The following PCLO variants were observed in gnomAD, a reference collection of about 807,000 sequenced individuals.
PCLO encodes the protein piccolo presynaptic cytomatrix protein, also known as protein piccolo.
PCLO carries 82 observed loss-of-function variants against 427.5 expected under a neutral mutation model. That is an observed-to-expected ratio of 0.19 (90% confidence interval 0.16 to 0.23). PCLO has a LOEUF of 0.23. Ranked by LOEUF, PCLO falls within the 10% of genes least tolerant of loss-of-function variation. The pLI is 1.00. For missense variants in PCLO, 6,239 were observed against 6,115.9 expected (o/e 1.02, Z -0.67); for synonymous variants, 2,357 against 2,155.4 (o/e 1.09, Z -2.59).
intron 9 of PCLO, among the ~76,000 whole-genome samples, chr7:82,902,018 C>T (rs1794054013): frequency 1.3e-5 from 2 of 151,468 alleles, no homozygotes; most frequent in African/African-American, 2.4e-5. Flanking sequence ...GTCAGTGTGG[C>T]GATTCCTCAG....
chr7:83,047,899 C>A (rs1248164254), intron 3 of PCLO, among the ~76,000 whole-genome samples: 3 of 152,000 alleles, frequency 2.0e-5, no homozygotes, highest in Non-Finnish European at 4.4e-5. Flanking sequence ...AACACACACA[C>A]CCCCACACCC....
intron 6 of PCLO, among the ~76,000 whole-genome samples, chr7:82,941,453 T>C (rs1348623213): frequency 6.6e-6 from 1 of 152,202 alleles, no homozygotes; most frequent in African/African-American, 2.4e-5. Flanking sequence ...GGGTCTTATT[T>C]AGTGCAAATA....
intron 20 of PCLO, among the ~76,000 whole-genome samples, chr7:82,808,958 A>T (rs1461522787): frequency 6.6e-6 from 1 of 151,926 alleles, no homozygotes; most frequent in East Asian, 1.9e-4. Context: ...AAAACAAAAA[A>T]TGGAGAGGTT....
At chr7:82,957,324 G>T (rs542431205) in intron 4 of PCLO, among the ~76,000 whole-genome samples, 3 of 151,994 alleles carry the variant, frequency 2.0e-5, no homozygotes, top group Admixed American at 6.6e-5. Flanking sequence ...TATACTTTTG[G>T]ATTATGAGGT....
chr7:83,133,632 A>G (rs1468842188), intron 3 of PCLO, among the ~76,000 whole-genome samples: 1 of 151,842 alleles, frequency 6.6e-6, no homozygotes, highest in Non-Finnish European at 1.5e-5. Context: ...GCCATATCAT[A>G]CAGATGCCCA....
intron 2 of PCLO, among the ~76,000 whole-genome samples, chr7:83,137,108 C>A (rs982256212): frequency 6.6e-6 from 1 of 151,984 alleles, no homozygotes; most frequent in Non-Finnish European, 1.5e-5. Context: ...AGGCACCAGA[C>A]AAATTTCCCA....
At chr7:82,967,932 A>C (rs576811863) in intron 3 of PCLO, among the ~76,000 whole-genome samples, 1 of 152,332 alleles carries the variant, frequency 6.6e-6, no homozygotes, top group Non-Finnish European at 1.5e-5. Flanking sequence ...TGAGAAGTTC[A>C]GTTTCAAATT....
intron 20 of PCLO, chr7:82,820,947 TGGGACTTACATG>T: frequency 1.6e-6 from 2 of 1,229,252 alleles, no homozygotes; most frequent in South Asian, 8.5e-5. Flanking sequence ...GGACTGATCT[TGGGACTTACATG>T]GTGATGATGA....
intron 4 of PCLO, among the ~76,000 whole-genome samples, chr7:82,961,807 T>C (rs925972620): frequency 3.3e-5 from 5 of 152,210 alleles, no homozygotes; most frequent in Non-Finnish European, 7.3e-5. Flanking sequence ...TTGAAGTTTA[T>C]TGTTCAGTTA....
In PCLO at chr7:82,953,521, T is replaced by C. The variant is rs1352047466; in HGVS notation, c.7432A>G (p.Ile2478Val). 1 of 1,613,308 alleles carries C rather than the reference T, an allele frequency of 6.2e-7. No individual in the cohort carries two copies. Among genetic ancestry groups the C allele is most frequent in the African/African-American group, 1.3e-5 (1 of 74,764 alleles). ...LRSNGLPVTR[I>V]CTTAPPPVPP... ...ACAGGAGGAGGTGCAGTAGTACATA[T>C]TCTTGTAACAGGTAATCCATTACTT... Residue 2478 changes from isoleucine to valine, a missense_variant, in exon 5 of 25, where the codon ATA becomes GTA. Ile to Val is a conservative substitution (Grantham distance 29). Around this residue, in one of 5 missense-constraint regions of PCLO, gnomAD observed 4,677 missense variants for 4,468.4 expected, o/e 1.05. Coordinates refer to ENST00000333891, the MANE Select transcript of PCLO (RefSeq NM_033026.6).
chr7:82,955,694 T>C lies in PCLO; in HGVS notation c.5259A>G (p.Lys1753=), dbSNP rs374278336. The change falls in exon 5 of 25, where the codon AAA becomes AAG. Residue 1753 remains lysine, a synonymous_variant. Coordinates refer to ENST00000333891, the MANE Select transcript of PCLO (RefSeq NM_033026.6). ...GTCTGTGCCGAGCTTTGCGTTGCTGTTTGCTCTCTCCTTTTTTGTGACTCG... is the reference window on the plus strand; with the variant it reads ...GTCTGTGCCGAGCTTTGCGTTGCTGCTTGCTCTCTCCTTTTTTGTGACTCG... The part of the protein sequence containing the change: ...SSPSHKKGES[K]QQRKARHRPH... 3.7e-6 allele frequency: 6 copies of C among 1,613,948 alleles called. No individual in the cohort carries two copies. The highest frequency in any genetic ancestry group is 4.2e-6 in the Non-Finnish European group (5 of 1,179,868).
At chr7:83,049,234 T>A (rs1033089382) in intron 3 of PCLO, among the ~76,000 whole-genome samples, 1 of 152,104 alleles carries the variant, frequency 6.6e-6, no homozygotes, top group East Asian at 1.9e-4. Flanking sequence ...AGAGCGGCAA[T>A]ATATGAAAAA....
intron 22 of PCLO, among the ~76,000 whole-genome samples, chr7:82,771,938 C>T (rs1178400711): frequency 6.6e-6 from 1 of 151,976 alleles, no homozygotes; most frequent in East Asian, 1.9e-4. Context: ...CTTATGAAGG[C>T]ATACTTTTTT....
At chr7:82,907,083 T>C (rs576976443) in intron 8 of PCLO, among the ~76,000 whole-genome samples, 35 of 152,092 alleles carry the variant, frequency 2.3e-4, no homozygotes, top group African/African-American at 8.2e-4. Context: ...AGAATGTCCT[T>C]AAAGATATGA....
intron 22 of PCLO, among the ~76,000 whole-genome samples, chr7:82,770,943 G>A (rs1322921552): frequency 6.6e-6 from 1 of 151,854 alleles, no homozygotes; most frequent in African/African-American, 2.4e-5. Context: ...CCAGAAATAT[G>A]TTTTCTGAAC....
intron 3 of PCLO, among the ~76,000 whole-genome samples, chr7:83,050,093 T>C (rs959602242): frequency 1.3e-5 from 2 of 150,188 alleles, no homozygotes; most frequent in African/African-American, 2.4e-5. Flanking sequence ...ATCATTAATA[T>C]TGTGTGATGG....
In PCLO at chr7:82,952,255, G is replaced by A. The variant is rs377361997; in HGVS notation, c.8698C>T (p.Leu2900Phe). The change falls in exon 5 of 25, where the codon CTC becomes TTC. Residue 2900 changes from leucine (L) to phenylalanine (F), a missense_variant. Around this residue, in one of 5 missense-constraint regions of PCLO, gnomAD observed 4,677 missense variants for 4,468.4 expected, o/e 1.05. Coordinates refer to ENST00000333891, the MANE Select transcript of PCLO (RefSeq NM_033026.6). The stretch of plus-strand genomic sequence containing the variant: ...GTTCTGTGAGACTTGGTTGTACTGA[G>A]ATCCACTACTTCCCCATCAGTGATT... ...QGITDGEVVD[L>F]STTKSHRTVV... 233 of 1,613,742 alleles carry A rather than the reference G, an allele frequency of 1.4e-4. No homozygotes were observed. Among genetic ancestry groups the A allele is most frequent in the Non-Finnish European group, 1.8e-4 (213 of 1,179,822 alleles).
rs114975575 is a variant in PCLO at position 83,136,703 on chromosome 7, G to T, written c.1894-1047C>A. 9.3e-3 allele frequency among the ~76,000 whole-genome samples: 1,410 copies of T among 152,140 alleles called. 20 individuals are homozygous for T. The highest frequency in any genetic ancestry group is 0.032 in the African/African-American group (1,328 of 41,518). The stretch of plus-strand genomic sequence containing the variant: ...ATGAAGATACTTGAAAAAGCAATAT[G>T]AGTAAGTAACGTACATATTTGACTG... On this transcript the variant is annotated intron_variant, in intron 2 of 24. Coordinates refer to ENST00000333891, the MANE Select transcript of PCLO (RefSeq NM_033026.6).
At chr7:83,117,380 A>G (rs2116546778) in intron 3 of PCLO, among the ~76,000 whole-genome samples, 1 of 152,288 alleles carries the variant, frequency 6.6e-6, no homozygotes, top group South Asian at 2.1e-4. Flanking sequence ...TGTTTTCTAT[A>G]CTAGGTCTAT....
Sources: gnomAD v4.1 joint callset for allele counts (sites outside exome capture counted in the v4.1 genomes callset) on GRCh38, gnomAD v4.1.1 for gene constraint, gnomAD v4.1.1 regional missense constraint, MANE v1.5 for transcripts, NCBI Gene and HGNC (gene_info 2026-07-23, HGNC 2026-07-21) for gene names.